Variants in TSPAN3 observed in about 807,000 individuals in gnomAD.
TSPAN3 encodes tetraspanin 3, also known as tetraspanin-3.
In TSPAN3, 9 loss-of-function variants were observed where a neutral mutation model predicts 31.1. That is an observed-to-expected ratio of 0.29 (90% CI 0.17 to 0.50). TSPAN3 has a LOEUF of 0.50. TSPAN3 is among the 20% of genes least tolerant of loss of function. The probability of loss-of-function intolerance (pLI) is 0.98; values close to 1 mark genes in which losing one functional copy is unlikely to be tolerated. For missense variants in TSPAN3, 252 were observed against 313.5 expected (o/e 0.80, Z 1.48); for synonymous variants, 129 against 114.3 (o/e 1.13, Z -0.82).
intron 6 of TSPAN3, among the ~76,000 whole-genome samples, chr15:77,050,829 G>C (rs558434410): frequency 1.4e-4 from 21 of 152,302 alleles, no homozygotes; most frequent in African/African-American, 4.8e-4. Context: ...TAAATGCTTA[G>C]AAGGGCAAAG....
chr15:77,068,122 CAGTT>C (rs1451778673), intron 1 of TSPAN3: 1 of 152,230 alleles, frequency 6.6e-6, no homozygotes, highest in East Asian at 1.9e-4. Context: ...CAGATTCCCA[CAGTT>C]AGTCCACAAA....
chr15:77,066,708 AAC>A (rs2076835857), intron 1 of TSPAN3, among the ~76,000 whole-genome samples: 2 of 152,130 alleles, frequency 1.3e-5, no homozygotes, highest in Admixed American at 1.3e-4. Flanking sequence ...ATTCCATAAA[AAC>A]AGAGATCCAA....
At chr15:77,066,236 G>A (rs992419849) in intron 1 of TSPAN3, among the ~76,000 whole-genome samples, 4 of 152,106 alleles carry the variant, frequency 2.6e-5, no homozygotes, top group African/African-American at 9.7e-5. Flanking sequence ...TCTGACCTTG[G>A]TACAAAGGTG....
At chr15:77,056,994 T>G (rs1489675618) in intron 1 of TSPAN3, among the ~76,000 whole-genome samples, 1 of 152,214 alleles carries the variant, frequency 6.6e-6, no homozygotes, top group Admixed American at 6.5e-5. Context: ...TGGTGCAGCT[T>G]CTTCTTGGAG....
Position 77,041,964 on chromosome 15 carries a change from C to T in TSPAN3, c.*4871G>A, listed in dbSNP as rs2076662553. 6.6e-6 allele frequency: 1 copy of T among 152,202 alleles called. No homozygotes were observed. The allele number at this position is 152,202 out of a possible 1,614,324, so 9.4% of individuals were successfully genotyped here. A position where few individuals can be genotyped will look rare whatever the true frequency, so the allele number is the denominator to read the frequency against. On this transcript the variant is annotated 3_prime_UTR_variant, in exon 7 of 7. Coordinates refer to ENST00000267970, the MANE Select transcript of TSPAN3 (RefSeq NM_005724.6). ...ATCACTGTGGCGAGTAGTGGAGGCA[C>T]TGGAGGCAGCCTGCAGGCCTGCCCT... is the stretch of plus-strand genomic sequence containing the variant.
intron 1 of TSPAN3, chr15:77,068,356 T>C: frequency 6.6e-6 from 1 of 152,186 alleles, no homozygotes; most frequent in Non-Finnish European, 1.5e-5. Flanking sequence ...CAAAATAACT[T>C]TCTTCACTGG....
Position 77,044,105 on chromosome 15 carries a change from G to A in TSPAN3, c.*2730C>T, listed in dbSNP as rs910240047. On this transcript the variant is annotated 3_prime_UTR_variant, in exon 7 of 7. Transcript: ENST00000267970. ...AGTAAAATTAACTTTTTTAAAAGAG[G>A]CCATACAATATAGCAGTGGTCCTCA... is the stretch of plus-strand genomic sequence containing the variant. 6.6e-6 allele frequency: 1 copy of A among 152,054 alleles called. No individual in the cohort carries two copies. Among genetic ancestry groups the A allele is most frequent in the Admixed American group, 6.5e-5 (1 of 15,270 alleles). 9.4% of individuals were successfully genotyped at this position (152,054 alleles called of 1,614,324 possible).
intron 1 of TSPAN3, among the ~76,000 whole-genome samples, chr15:77,060,241 A>G (rs541469089): frequency 6.6e-6 from 1 of 152,366 alleles, no homozygotes; most frequent in South Asian, 2.1e-4. Context: ...ATGAAACTAT[A>G]CACATCAAAT....
chr15:77,053,283 G>A (rs1163391983), intron 4 of TSPAN3, among the ~76,000 whole-genome samples: 1 of 151,512 alleles, frequency 6.6e-6, no homozygotes, highest in Non-Finnish European at 1.5e-5. Context: ...GTCACCTGAG[G>A]TCAAGAGTTC....
At chr15:77,051,824 C>T (rs1001339315) in intron 6 of TSPAN3, among the ~76,000 whole-genome samples, 2 of 152,144 alleles carry the variant, frequency 1.3e-5, no homozygotes, top group Admixed American at 6.5e-5. Flanking sequence ...TGTCATTGCA[C>T]TCAAGCCTGG....
At chr15:77,054,793 A>G (rs1250243134) in intron 3 of TSPAN3, 1 of 152,432 alleles carries the variant, frequency 6.6e-6, no homozygotes, top group Non-Finnish European at 1.5e-5. Flanking sequence ...GTCCTTAGAA[A>G]TGGCACTTTA....
intron 6 of TSPAN3, among the ~76,000 whole-genome samples, chr15:77,050,884 G>A (rs2076726370): frequency 6.6e-6 from 1 of 152,082 alleles, no homozygotes; most frequent in Non-Finnish European, 1.5e-5. Flanking sequence ...ATCATTTCAG[G>A]GCTGTCTGAA....
At chr15:77,054,485 C>A (rs953752912) in intron 3 of TSPAN3, 6 of 390,646 alleles carry the variant, frequency 1.5e-5, no homozygotes, top group Admixed American at 7.7e-5. Context: ...AAAATTCAGA[C>A]ATATACCACA....
chr15:77,052,030 G>T (rs1021592467), intron 6 of TSPAN3, among the ~76,000 whole-genome samples: 1 of 152,102 alleles, frequency 6.6e-6, no homozygotes, highest in Non-Finnish European at 1.5e-5. Flanking sequence ...AAAGAAAGAA[G>T]TACAATTTTT....
chr15:77,051,218 G>C (rs1008681947), intron 6 of TSPAN3, among the ~76,000 whole-genome samples: 2 of 151,932 alleles, frequency 1.3e-5, no homozygotes, highest in Non-Finnish European at 2.9e-5. Context: ...CTTGAAATAG[G>C]TTTCAGGCTT....
At chr15:77,053,119 G>A (rs2076742615) in intron 4 of TSPAN3, among the ~76,000 whole-genome samples, 190 bp from the exon 5 acceptor site, 1 of 152,164 alleles carries the variant, frequency 6.6e-6, no homozygotes, top group Non-Finnish European at 1.5e-5. Flanking sequence ...TTAAATTGTG[G>A]CTAGTGTGAC....
At chr15:77,049,449 C>G (rs1360565976) in intron 6 of TSPAN3, among the ~76,000 whole-genome samples, 1 of 152,160 alleles carries the variant, frequency 6.6e-6, no homozygotes, top group African/African-American at 2.4e-5. Context: ...CAGCCTTACT[C>G]ACAGCAGATA....
chr15:77,041,483 C>T lies in TSPAN3; in HGVS notation c.*5352G>A, dbSNP rs1277839666. ...TCACTGCAACCTCTGCCTCCCGGTT[C>T]AAGCGATTCTCCTGCCTCAGCCTCC... On this transcript the variant is annotated 3_prime_UTR_variant, in exon 7 of 7. Transcript: ENST00000267970. The T allele has an allele frequency of 6.6e-6, 1 of 150,834 alleles. No individual in the cohort carries two copies. Among genetic ancestry groups the T allele is most frequent in the South Asian group, 2.1e-4 (1 of 4,806 alleles). The allele number at this position is 150,834 out of a possible 1,614,324, so 9.3% of individuals were successfully genotyped here.
chr15:77,051,188 C>A (rs1042059001), intron 6 of TSPAN3, among the ~76,000 whole-genome samples: 2 of 151,966 alleles, frequency 1.3e-5, no homozygotes, highest in Non-Finnish European at 2.9e-5. Context: ...TGTAACCCAT[C>A]ACACCTGGCT....
Sources: gnomAD v4.1 joint callset for allele counts (sites outside exome capture counted in the v4.1 genomes callset) on GRCh38, gnomAD v4.1.1 for gene constraint, MANE v1.5 for transcripts, NCBI Gene and HGNC (gene_info 2026-07-23, HGNC 2026-07-21) for gene names.